The following AKAP7 variants were observed in gnomAD, a reference collection of about 807,000 sequenced individuals.
AKAP7 encodes A-kinase anchoring protein 7.
In AKAP7, 39 loss-of-function variants were observed where a neutral mutation model predicts 39.5. The observed-to-expected ratio is 0.99, with a 90% CI of 0.76 to 1.29. The LOEUF (loss-of-function observed/expected upper bound fraction) is 1.29. AKAP7 is among the 50% of genes most tolerant of loss of function. The pLI is 0.00. For missense variants in AKAP7, 414 were observed against 407.7 expected, an observed-to-expected ratio of 1.02 and a Z score of -0.13; for synonymous variants, 140 against 139.1, an observed-to-expected ratio of 1.01 and a Z score of -0.05.
intron 2 of AKAP7, among the ~76,000 whole-genome samples, chr6:131,156,455 T>C (rs2128235359): frequency 6.6e-6 from 1 of 151,900 alleles, no homozygotes; most frequent in African/African-American, 2.4e-5. Context: ...CTGGGCAACA[T>C]AGTGAGACCC....
rs745625506 is a variant in AKAP7, at chr6:131,142,679, G to A, written c.20-2606G>A. Among the ~76,000 whole-genome samples, 7 of 152,220 alleles carry A rather than the reference G, an allele frequency of 4.6e-5. 1 individual carries two copies. The highest frequency in any genetic ancestry group is 8.8e-5 in the Non-Finnish European group (6 of 68,038). ...GCCCCCACCCAGAGTCTCCACCAGG[G>A]CACTGCCTAGTGGAGCTGTGGGAAG... On this transcript the variant is annotated intron_variant, in intron 1 of 7. Transcript: ENST00000431975.
chr6:131,184,912 T>A (rs1805673085), intron 5 of AKAP7: 4 of 913,940 alleles, frequency 4.4e-6, no homozygotes, highest in South Asian at 3.9e-5. Context: ...ATCCAGCTCC[T>A]TATGGGCACT....
At chr6:131,246,059 A>C (rs1811977087) in intron 7 of AKAP7, among the ~76,000 whole-genome samples, 2 of 149,906 alleles carry the variant, frequency 1.3e-5, no homozygotes. Flanking sequence ...TTTTATTATG[A>C]CTCAGACTTT....
Position 131,144,610 on chromosome 6 carries a change from T to C in AKAP7, c.20-675T>C, listed in dbSNP as rs76091481. ...ACTTTATCAATTTAAACATACACCT[T>C]CTTTCTCTTACCTCCACCCAAGGTA... On this transcript the variant is annotated intron_variant, in intron 1 of 7. Coordinates refer to ENST00000431975, the MANE Select transcript of AKAP7 (RefSeq NM_016377.4). Among the ~76,000 whole-genome samples the C allele has an allele frequency of 4.1e-4, 62 of 152,330 alleles. No individual in the cohort carries two copies. The East Asian group carries it at 0.012, about 28-fold the overall frequency.
chr6:131,281,790 GGACT>G lies in AKAP7; in HGVS notation c.*69_*72del. 6.9e-7 allele frequency: 1 copy of G among 1,455,896 alleles called. No homozygotes were observed. The highest frequency in any genetic ancestry group is 9.1e-7 in the Non-Finnish European group (1 of 1,102,390). The allele number at this position is 1,455,896 out of a possible 1,614,324, so 90.2% of individuals were successfully genotyped here. A position where few individuals can be genotyped will look rare whatever the true frequency, so the allele number is the denominator to read the frequency against. ...CCCTGCTTCCCTCTGCTGAGTCTAG[GGACT>G]GACTTGCAGCGTGCTGTTTAAGTTA... On this transcript the variant is annotated 3_prime_UTR_variant, in exon 8 of 8. Coordinates refer to ENST00000431975, the MANE Select transcript of AKAP7 (RefSeq NM_016377.4). The surrounding 1 kb of genome is among the most constrained non-coding windows in gnomAD (Gnocchi z 4.0).
chr6:131,138,187 T>C (rs960517172), intron 1 of AKAP7, among the ~76,000 whole-genome samples: 1 of 152,228 alleles, frequency 6.6e-6, no homozygotes, highest in Non-Finnish European at 1.5e-5. Flanking sequence ...GTTTTAATTT[T>C]AGTTCCCACA....
upstream of AKAP7, among the ~76,000 whole-genome samples, chr6:131,132,262 G>C (rs1238730873): frequency 1.3e-5 from 2 of 151,364 alleles, no homozygotes; most frequent in African/African-American, 4.9e-5. Context: ...GCAGTGAGCC[G>C]AGATTGCGCC....
intron 1 of AKAP7, among the ~76,000 whole-genome samples, 188 bp from the exon 2 acceptor site, chr6:131,145,096 AC>A (rs1244547885): frequency 6.6e-6 from 1 of 151,988 alleles, no homozygotes; most frequent in Non-Finnish European, 1.5e-5. Flanking sequence ...TTATAAGTGT[AC>A]AAAAATATAG....
At chr6:131,214,264 C>T (rs922084980) in intron 6 of AKAP7, among the ~76,000 whole-genome samples, 3 of 152,152 alleles carry the variant, frequency 2.0e-5, no homozygotes, top group Non-Finnish European at 2.9e-5. Context: ...TTTCTACCTA[C>T]TACTTGCTGA....
chr6:131,181,600 C>G (rs1398619379), intron 5 of AKAP7, among the ~76,000 whole-genome samples: 1 of 152,116 alleles, frequency 6.6e-6, no homozygotes, highest in Non-Finnish European at 1.5e-5. Flanking sequence ...AAAATCTATT[C>G]TTCTTGCTGT....
intron 1 of AKAP7, among the ~76,000 whole-genome samples, chr6:131,143,601 A>G (rs1299405925): frequency 6.6e-6 from 1 of 152,174 alleles, no homozygotes; most frequent in Non-Finnish European, 1.5e-5. Flanking sequence ...CCTTTATAGC[A>G]ATGCGAATGG....
At position 131,241,610 on chromosome 6, in the gene AKAP7, T is replaced by TATATATAC. The variant is rs56747262; in HGVS notation, c.850+21802_850+21803insATATATAC. Among the ~76,000 whole-genome samples, 317 of 137,668 alleles carry TATATATAC rather than the reference T, an allele frequency of 2.3e-3. 1 individual carries two copies. The highest frequency in any genetic ancestry group is 0.011 in the Middle Eastern group (3 of 284). The allele number at this position is 137,668 out of a possible 152,430, so 90.3% of individuals were successfully genotyped here. On this transcript the variant is annotated intron_variant, in intron 7 of 7. Transcript: ENST00000431975. ...GTGTGTGTGTGTGTGTGTGTGTGTG[T>TATATATAC]GTGTGTGTGTGTGTGTGTATATATA... is the stretch of plus-strand genomic sequence containing the variant.
At chr6:131,253,045 G>C in intron 7 of AKAP7, 1 of 1,613,402 alleles carries the variant, frequency 6.2e-7, no homozygotes, top group South Asian at 1.1e-5. Context: ...AGGTGAGTTG[G>C]AAAGCTCGTC....
At chr6:131,199,320 A>G in intron 5 of AKAP7, 141 bp from the exon 6 acceptor site, 1 of 606,010 alleles carries the variant, frequency 1.7e-6, no homozygotes, top group South Asian at 2.2e-5. Flanking sequence ...TCTCTTTTAA[A>G]GAAAATATCT....
intron 6 of AKAP7, among the ~76,000 whole-genome samples, chr6:131,202,448 A>T (rs1031438655): frequency 6.6e-6 from 1 of 151,164 alleles, no homozygotes; most frequent in Non-Finnish European, 1.5e-5. Context: ...TGATAAGTTC[A>T]TGTCCTTTGT....
intron 7 of AKAP7, among the ~76,000 whole-genome samples, chr6:131,248,359 C>T (rs1812198223): frequency 1.3e-5 from 2 of 152,178 alleles, no homozygotes; most frequent in African/African-American, 4.8e-5. Context: ...GGTTTCCTGA[C>T]TCTAAAGGTT....
chr6:131,129,532 T>C, the AKAP7 span, among the ~76,000 whole-genome samples: 1 of 152,160 alleles, frequency 6.6e-6, no homozygotes, highest in South Asian at 2.1e-4. Flanking sequence ...TTTCTGAATT[T>C]AAAAATATCA....
At chr6:131,211,962 CT>C (rs2128292339) in intron 6 of AKAP7, among the ~76,000 whole-genome samples, 1 of 152,242 alleles carries the variant, frequency 6.6e-6, no homozygotes, top group African/African-American at 2.4e-5. Context: ...CCTAAATGTG[CT>C]CAGAACACTT....
intron 7 of AKAP7, among the ~76,000 whole-genome samples, chr6:131,225,382 T>C (rs1810074829): frequency 6.6e-6 from 1 of 152,198 alleles, no homozygotes; most frequent in Admixed American, 6.5e-5. Context: ...CAACCACAAA[T>C]CATCCTCATC....
Sources: gnomAD v4.1 joint callset for allele counts (sites outside exome capture counted in the v4.1 genomes callset) on GRCh38, gnomAD v4.1.1 for gene constraint, Gnocchi (gnomAD v3.1) non-coding constraint, MANE v1.5 for transcripts, NCBI Gene and HGNC (gene_info 2026-07-23, HGNC 2026-07-21) for gene names.